PCBP3: variants seen among roughly 807,000 people sequenced by gnomAD.
The protein encoded by PCBP3 is poly(rC) binding protein 3, also known as poly(rC)-binding protein 3.
A neutral mutation model predicts 52.7 loss-of-function variants in PCBP3; 25 were observed. The ratio of observed to expected loss-of-function variants is 0.47; its 90% CI spans 0.35 to 0.66. The LOEUF (loss-of-function observed/expected upper bound fraction) is 0.66, where lower values mean the gene tolerates loss of function less well. Among genes scored for constraint, PCBP3 ranks in the 30% least tolerant of loss-of-function variants. The probability of loss-of-function intolerance (pLI) is 0.01; values close to 1 mark genes in which losing one functional copy is unlikely to be tolerated. For synonymous variants in PCBP3, 162 were observed against 183.0 expected (o/e 0.89, Z 0.93); for missense variants, 391 against 490.3 (o/e 0.80, Z 1.91).
chr21:45,752,968 CAAAAAAAAAAA>C (rs5844247), intron 3 of PCBP3: 2 of 65,988 alleles, frequency 3.0e-5, no homozygotes, highest in Non-Finnish European at 5.6e-5. Flanking sequence ...CCTGTCTCTC[CAAAAAAAAAAA>C]AAAAAAAAAA....
intron 1 of PCBP3, among the ~76,000 whole-genome samples, chr21:45,666,188 T>G (rs1603205990): frequency 6.6e-6 from 1 of 152,304 alleles, no homozygotes; most frequent in East Asian, 1.9e-4. Flanking sequence ...GCCTAAAGCA[T>G]TCCCTCTAAG....
chr21:45,938,098 G>A (rs1186287604), intron 16 of PCBP3, among the ~76,000 whole-genome samples: 3 of 152,206 alleles, frequency 2.0e-5, no homozygotes, highest in Admixed American at 1.3e-4. Flanking sequence ...CAGCTGGAGC[G>A]AGGCAGTTAG....
At chr21:45,768,735 C>T (rs1370437932) in intron 4 of PCBP3, among the ~76,000 whole-genome samples, 1 of 152,222 alleles carries the variant, frequency 6.6e-6, no homozygotes, top group East Asian at 1.9e-4. Flanking sequence ...CACTGGTGTG[C>T]TTTGCCCTCC....
At chr21:45,914,350 G>C in intron 12 of PCBP3, 3 of 512,528 alleles carry the variant, frequency 5.9e-6, no homozygotes, top group Non-Finnish European at 6.8e-6. Context: ...GCGCTTTCTA[G>C]GTGATTTTAC....
chr21:45,921,042 G>T (rs1400942556), intron 13 of PCBP3, among the ~76,000 whole-genome samples: 1 of 152,144 alleles, frequency 6.6e-6, no homozygotes, highest in East Asian at 1.9e-4. Flanking sequence ...AGCTTCCATG[G>T]TGCTTTTCTT....
intron 4 of PCBP3, among the ~76,000 whole-genome samples, chr21:45,790,158 T>C (rs1302052522): frequency 1.3e-5 from 2 of 151,760 alleles, no homozygotes; most frequent in African/African-American, 4.8e-5. Context: ...AGAAAAAGAA[T>C]AGTCTCTCAG....
intron 4 of PCBP3, among the ~76,000 whole-genome samples, chr21:45,767,689 A>T (rs1419726558): frequency 6.6e-6 from 1 of 152,194 alleles, no homozygotes; most frequent in East Asian, 1.9e-4. Context: ...ATGGGGAGGT[A>T]AAAGGACTTG....
At chr21:45,784,609 C>G (rs551562172) in intron 4 of PCBP3, among the ~76,000 whole-genome samples, 1 of 152,322 alleles carries the variant, frequency 6.6e-6, no homozygotes, top group African/African-American at 2.4e-5. Flanking sequence ...TGCAGGCGCG[C>G]GCCGCCACGC....
intron 5 of PCBP3, among the ~76,000 whole-genome samples, chr21:45,892,051 C>T (rs2095677675): frequency 6.6e-6 from 1 of 152,176 alleles, no homozygotes; most frequent in South Asian, 2.1e-4. Flanking sequence ...CTGGCCCACC[C>T]AGAAACACCA....
At chr21:45,749,644 G>A (rs1476071184) in intron 3 of PCBP3, 2 of 152,238 alleles carry the variant, frequency 1.3e-5, no homozygotes, top group East Asian at 3.8e-4. Context: ...AAATGAGTTA[G>A]TAGAGAAACT....
chr21:45,696,783 C>G (rs1017952600), intron 2 of PCBP3, among the ~76,000 whole-genome samples: 1 of 148,472 alleles, frequency 6.7e-6, no homozygotes, highest in African/African-American at 2.5e-5. Context: ...GAGCAAGACT[C>G]TGTCTCAAGA....
At chr21:45,748,675 T>C (rs1424767925) in intron 3 of PCBP3, among the ~76,000 whole-genome samples, 1 of 152,266 alleles carries the variant, frequency 6.6e-6, no homozygotes, top group Non-Finnish European at 1.5e-5. Flanking sequence ...TCTGGCCACA[T>C]CCAGCAGGGC....
intron 5 of PCBP3, among the ~76,000 whole-genome samples, chr21:45,886,738 C>G (rs2095534043): frequency 1.3e-5 from 2 of 152,174 alleles, no homozygotes. Context: ...AACCTCCCTG[C>G]TCAGAGGAGG....
intron 1 of PCBP3, among the ~76,000 whole-genome samples, chr21:45,667,141 TTTTC>T (rs2080863931): frequency 1.3e-5 from 2 of 151,746 alleles, no homozygotes; most frequent in African/African-American, 2.4e-5. Flanking sequence ...TCCCTTCCCT[TTTTC>T]TTTCTTTCTC....
intron 2 of PCBP3, among the ~76,000 whole-genome samples, chr21:45,729,211 G>A (rs1302383617): frequency 6.6e-6 from 1 of 152,136 alleles, no homozygotes; most frequent in African/African-American, 2.4e-5. Context: ...AGCCCCGCTT[G>A]GAGGTTCATC....
chr21:45,727,941 T>C (rs529571256), intron 2 of PCBP3, among the ~76,000 whole-genome samples: 1 of 152,352 alleles, frequency 6.6e-6, no homozygotes, highest in East Asian at 1.9e-4. Context: ...TATTTATCTT[T>C]ATAACTAGCT....
At chr21:45,873,649 T>C (rs1009795576) in intron 5 of PCBP3, among the ~76,000 whole-genome samples, 5 of 152,228 alleles carry the variant, frequency 3.3e-5, no homozygotes, top group African/African-American at 9.6e-5. Context: ...TTCATTTTAT[T>C]CACCTGCCCG....
At chr21:45,938,953 T>C (rs1214249323) in intron 16 of PCBP3, among the ~76,000 whole-genome samples, 4 of 152,176 alleles carry the variant, frequency 2.6e-5, no homozygotes, top group African/African-American at 9.7e-5. Flanking sequence ...TGGACGTCCC[T>C]CCTGCATGCC....
At chr21:45,907,401 C>T (rs1308134079) in intron 9 of PCBP3, among the ~76,000 whole-genome samples, 2 of 152,216 alleles carry the variant, frequency 1.3e-5, no homozygotes, top group East Asian at 1.9e-4. Flanking sequence ...CACGCCAGCG[C>T]CTCCCTTACC....
Sources: allele counts gnomAD v4.1 joint callset (sites outside exome capture counted in the v4.1 genomes callset), GRCh38; gene constraint gnomAD v4.1.1; transcripts MANE v1.5; gene names NCBI Gene and HGNC (gene_info 2026-07-23, HGNC 2026-07-21).